Variants in MED9 observed in about 807,000 individuals in gnomAD.
MED9 encodes mediator of RNA polymerase II transcription subunit 9.
In MED9, 8 loss-of-function variants were observed where a neutral mutation model predicts 13.2. The ratio of observed to expected loss-of-function variants is 0.61; its 90% CI spans 0.36 to 1.10. The LOEUF is 1.10. Ranked by LOEUF, MED9 falls within the 50% of genes least tolerant of loss-of-function variation. MED9 has a pLI of 0.02. For missense variants in MED9, 180 were observed against 193.4 expected, an observed-to-expected ratio of 0.93 and a Z score of 0.41; for synonymous variants, 87 against 82.8, an observed-to-expected ratio of 1.05 and a Z score of -0.28.
At chr17:17,482,947 AT>A (rs901695067) in intron 1 of MED9, among the ~76,000 whole-genome samples, 3 of 152,258 alleles carry the variant, frequency 2.0e-5, no homozygotes, top group Non-Finnish European at 4.4e-5. Context: ...GCACCAAACT[AT>A]TTTAGTTCTT....
At chr17:17,489,718 C>T (rs574987505) in intron 1 of MED9, among the ~76,000 whole-genome samples, 26 of 152,282 alleles carry the variant, frequency 1.7e-4, no homozygotes, top group Non-Finnish European at 1.0e-4. Flanking sequence ...CTAGAATCTG[C>T]GATAAGGTAT....
chr17:17,491,204 C>A, intron 1 of MED9, 75 bp from the exon 2 acceptor site: 2 of 1,364,606 alleles, frequency 1.5e-6, no homozygotes, highest in African/African-American at 1.4e-5. Context: ...TGACAGCCAG[C>A]TCTAGGGGGT....
In MED9 at chr17:17,477,151, C is replaced by G. The variant is rs750542740; in HGVS notation, c.110C>G (p.Pro37Arg). The G allele has an allele frequency of 3.1e-6, 5 of 1,608,794 alleles. No homozygotes were observed. The South Asian group carries it at 4.4e-5, about 14-fold the overall frequency. The change falls in exon 1 of 2, where the codon CCG (proline) becomes CGG (arginine). Residue 37 changes from proline to arginine, a missense_variant. Coordinates refer to ENST00000268711, the MANE Select transcript of MED9 (RefSeq NM_018019.3). ...CCGCTGCCGCCTCCTCAGCCGCCGCCGGTCCCTGCGCCTCAACCGCAGCAG... is the reference window on the plus strand; with the variant it reads ...CCGCTGCCGCCTCCTCAGCCGCCGCGGGTCCCTGCGCCTCAACCGCAGCAG... ...TKPLPPPQPPPVPAPQPQQSP... is the reference protein window; with the variant it reads ...TKPLPPPQPPRVPAPQPQQSP...
rs566644525 is a variant in MED9 at position 17,491,994 on chromosome 17, C to A, written c.*499C>A. 1 of 181,638 alleles carries A rather than the reference C, an allele frequency of 5.5e-6. No homozygotes were observed. The highest frequency in any genetic ancestry group is 1.3e-4 in the East Asian group (1 of 7,788). The allele number at this position is 181,638 out of a possible 1,614,324, so 11.3% of individuals were successfully genotyped here. A position where few individuals can be genotyped will look rare whatever the true frequency, so the allele number is the denominator to read the frequency against. On this transcript the variant is annotated 3_prime_UTR_variant, in exon 2 of 2. Transcript: ENST00000268711. ...CATAGAATTCACTGGACGAATTAAGCCTGCACTCATATGGCATAGAATTGT... is the reference window on the plus strand; with the variant it reads ...CATAGAATTCACTGGACGAATTAAGACTGCACTCATATGGCATAGAATTGT...
intron 1 of MED9, among the ~76,000 whole-genome samples, chr17:17,489,644 A>G (rs1258105559): frequency 1.3e-5 from 2 of 152,248 alleles, no homozygotes; most frequent in Non-Finnish European, 2.9e-5. Context: ...TTAAAATAAA[A>G]GACGTTCCCT....
In MED9 at chr17:17,492,677, T is replaced by C. The variant is rs947115502; in HGVS notation, c.*1182T>C. ...TGCCTCTCGAGGAGGAGGTGCGAAG[T>C]CCTGGAGTATTGTTTGGGTCTCGGA... On this transcript the variant is annotated 3_prime_UTR_variant, in exon 2 of 2. Coordinates refer to ENST00000268711, the MANE Select transcript of MED9 (RefSeq NM_018019.3). The C allele has an allele frequency of 6.6e-6, 1 of 152,390 alleles. No homozygotes were observed. Among genetic ancestry groups the C allele is most frequent in the Admixed American group, 6.5e-5 (1 of 15,308 alleles). The allele number at this position is 152,390 out of a possible 1,614,324, so 9.4% of individuals were successfully genotyped here.
chr17:17,491,228 G>A (rs755763093), intron 1 of MED9, 51 bp from the exon 2 acceptor site: 44 of 1,535,512 alleles, frequency 2.9e-5, no homozygotes, highest in African/African-American at 5.4e-5. Context: ...GGGCAGGAAC[G>A]CCAAGACGTG....
At position 17,477,204 on chromosome 17, in the gene MED9, G is replaced by A. The variant is rs61739282; in HGVS notation, c.163G>A (p.Ala55Thr). 9 of 1,610,646 alleles carry A rather than the reference G, an allele frequency of 5.6e-6. No individual in the cohort carries two copies. The highest frequency in any genetic ancestry group is 3.3e-5 in the South Asian group (3 of 90,830). The change falls in exon 1 of 2, where the codon GCC becomes ACC. Residue 55 changes from alanine (A) to threonine (T), a missense_variant. Ala to Thr is a moderately conservative substitution (Grantham distance 58, BLOSUM62 0). Transcript: ENST00000268711. ...QSPAPRPQSP[A>T]RAREEENYSF... Reference sequence around the variant, plus strand: ...GCCGGCGCCACGGCCTCAGTCACCTGCCCGCGCGAGGGAGGAAGAGAACTA... The same window carrying A: ...GCCGGCGCCACGGCCTCAGTCACCTACCCGCGCGAGGGAGGAAGAGAACTA...
In MED9 at chr17:17,491,992, A is replaced by AGCCT. The variant is rs1905244420; in HGVS notation, c.*500_*503dup. ...TGCATAGAATTCACTGGACGAATTA[A>AGCCT]GCCTGCACTCATATGGCATAGAATT... On this transcript the variant is annotated 3_prime_UTR_variant, in exon 2 of 2. Coordinates refer to ENST00000268711, the MANE Select transcript of MED9 (RefSeq NM_018019.3). 1.1e-5 allele frequency: 2 copies of AGCCT among 182,632 alleles called. No homozygotes were observed. The highest frequency in any genetic ancestry group is 4.7e-5 in the African/African-American group (2 of 42,688). The allele number at this position is 182,632 out of a possible 1,614,324, so 11.3% of individuals were successfully genotyped here.
chr17:17,481,026 C>G (rs1466664569), intron 1 of MED9, among the ~76,000 whole-genome samples: 1 of 152,192 alleles, frequency 6.6e-6, no homozygotes, highest in Admixed American at 6.5e-5. Flanking sequence ...ATAGCATCTA[C>G]TCATGGGAGT....
chr17:17,480,064 G>A (rs1905004875), intron 1 of MED9, among the ~76,000 whole-genome samples: 1 of 152,146 alleles, frequency 6.6e-6, no homozygotes. Flanking sequence ...CCAAGCGGCC[G>A]GGTGACTACC....
At chr17:17,485,472 T>G in intron 1 of MED9, 1 of 386,926 alleles carries the variant, frequency 2.6e-6, no homozygotes, top group East Asian at 3.6e-5. Flanking sequence ...GGGGAGGACC[T>G]GGGTCCACAG....
Position 17,491,795 on chromosome 17 carries a change from C to T in MED9, c.*300C>T, listed in dbSNP as rs913433208. ...GAGGGGGTGGAGGACTCTCCCCTGCCTCTGGGGAGGGGGCCATCTGCTGCG... is the reference window on the plus strand; with the variant it reads ...GAGGGGGTGGAGGACTCTCCCCTGCTTCTGGGGAGGGGGCCATCTGCTGCG... On this transcript the variant is annotated 3_prime_UTR_variant, in exon 2 of 2. Coordinates refer to ENST00000268711, the MANE Select transcript of MED9 (RefSeq NM_018019.3). The T allele has an allele frequency of 1.7e-5, 7 of 400,876 alleles. No individual in the cohort carries two copies. The highest frequency in any genetic ancestry group is 2.8e-5 in the Non-Finnish European group (6 of 212,428). 24.8% of individuals were successfully genotyped at this position (400,876 alleles called of 1,614,324 possible).
intron 1 of MED9, chr17:17,488,343 A>G (rs1361113725): frequency 6.6e-6 from 1 of 152,248 alleles, no homozygotes; most frequent in African/African-American, 2.4e-5. Flanking sequence ...GTTATTGGCC[A>G]GTTTGCATCT....
Position 17,477,397 on chromosome 17 carries a change from C to A in MED9, c.224+132C>A, listed in dbSNP as rs1904942953. 15 of 1,010,100 alleles carry A rather than the reference C, an allele frequency of 1.5e-5. 1 individual carries two copies. The South Asian group carries it at 2.4e-4, about 16-fold the overall frequency. The allele number at this position is 1,010,100 out of a possible 1,614,324, so 62.6% of individuals were successfully genotyped here. On this transcript the variant is annotated intron_variant, in intron 1 of 1. Coordinates refer to ENST00000268711, the MANE Select transcript of MED9 (RefSeq NM_018019.3). ...CAGATGGGGAAACTCAGACCCAGAG[C>A]GGGAAGAGGCCTTTCCCAAGACCAC...
At chr17:17,478,302 C>T (rs924741173) in intron 1 of MED9, among the ~76,000 whole-genome samples, 9 of 152,178 alleles carry the variant, frequency 5.9e-5, no homozygotes, top group African/African-American at 1.9e-4. Flanking sequence ...CCATTAAAGA[C>T]CAAAACAAAG....
intron 1 of MED9, among the ~76,000 whole-genome samples, chr17:17,489,613 C>T (rs1030989286): frequency 6.6e-6 from 1 of 152,174 alleles, no homozygotes; most frequent in African/African-American, 2.4e-5. Context: ...ATTTGTGGAT[C>T]AGAGCTGAGA....
intron 1 of MED9, among the ~76,000 whole-genome samples, chr17:17,489,913 A>G (rs908545128): frequency 1.3e-5 from 2 of 152,252 alleles, no homozygotes; most frequent in African/African-American, 4.8e-5. Context: ...AAAGATGGAT[A>G]TTCTGCCTGC....
rs916860913 is a variant in MED9 at position 17,483,489 on chromosome 17, C to G, written c.224+6224C>G. On this transcript the variant is annotated intron_variant, in intron 1 of 1. Coordinates refer to ENST00000268711, the MANE Select transcript of MED9 (RefSeq NM_018019.3). This position sits in a 1 kb window ranked among gnomAD's most constrained non-coding sequence, Gnocchi z 4.2. The stretch of plus-strand genomic sequence containing the variant: ...TGCACAGAGCCCTGTGAACCAGAGC[C>G]TCTCCTGTACCCCCAGGGACCCACC... 6.6e-6 allele frequency among the ~76,000 whole-genome samples: 1 copy of G among 152,248 alleles called. No individual in the cohort carries two copies. Among genetic ancestry groups the G allele is most frequent in the Non-Finnish European group, 1.5e-5 (1 of 68,052 alleles).
Sources: allele counts gnomAD v4.1 joint callset (sites outside exome capture counted in the v4.1 genomes callset), GRCh38; gene constraint gnomAD v4.1.1; non-coding constraint Gnocchi (gnomAD v3.1); transcripts MANE v1.5; gene names NCBI Gene and HGNC (gene_info 2026-07-23, HGNC 2026-07-21).